Variants in SNTG1 observed in about 807,000 individuals in gnomAD.
SNTG1 encodes syntrophin gamma 1.
A neutral mutation model predicts 74.7 loss-of-function variants in SNTG1; 39 were observed. The observed-to-expected ratio is 0.52, with a 90% CI of 0.40 to 0.68. SNTG1 has a LOEUF of 0.68. Among genes scored for constraint, SNTG1 ranks in the 30% least tolerant of loss-of-function variants. The pLI, the probability that SNTG1 is intolerant of heterozygous loss-of-function variation, is 0.00. For missense variants in SNTG1, 685 were observed against 609.5 expected, an observed-to-expected ratio of 1.12 and a Z score of -1.30; for synonymous variants, 254 against 217.1, an observed-to-expected ratio of 1.17 and a Z score of -1.49.
intron 9 of SNTG1, among the ~76,000 whole-genome samples, chr8:50,526,659 A>G: frequency 9.0e-6 from 1 of 111,066 alleles, no homozygotes; most frequent in Non-Finnish European, 1.8e-5. Flanking sequence ...ATATATATAT[A>G]TATTTTTTTG....
At chr8:50,459,240 C>G (rs1162938839) in intron 8 of SNTG1, among the ~76,000 whole-genome samples, 1 of 152,102 alleles carries the variant, frequency 6.6e-6, no homozygotes, top group Non-Finnish European at 1.5e-5. Flanking sequence ...TTCACATATA[C>G]CAGTATTACA....
Position 50,449,660 on chromosome 8 carries a change from CT to C in SNTG1, c.220-4del. 1.3e-6 allele frequency: 2 copies of C among 1,581,000 alleles called. No homozygotes were observed. Among genetic ancestry groups the C allele is most frequent in the Non-Finnish European group, 1.7e-6 (2 of 1,162,636 alleles). On this transcript the variant is annotated splice_polypyrimidine_tract_variant and splice_region_variant and intron_variant, in intron 5 of 18. Transcript: ENST00000642720. ...TAAAAAGTACAATATATGATTTTCT[CT>C]TTTCAGGGAGGAGCAGAACATAACA...
chr8:50,571,706 AACTTTC>A (rs1411318176), intron 12 of SNTG1, among the ~76,000 whole-genome samples: 1 of 152,232 alleles, frequency 6.6e-6, no homozygotes, highest in African/African-American at 2.4e-5. Context: ...CTAAGGAAAC[AACTTTC>A]ACCTCTAAAT....
At chr8:50,276,410 A>ATATAT (rs2088115053) in intron 2 of SNTG1, among the ~76,000 whole-genome samples, 1 of 138,058 alleles carries the variant, frequency 7.2e-6, no homozygotes, top group African/African-American at 2.9e-5. Flanking sequence ...TATATATATA[A>ATATAT]ATCATATATT....
At chr8:50,062,643 T>G (rs1820575778) in intron 1 of SNTG1, among the ~76,000 whole-genome samples, 1 of 152,224 alleles carries the variant, frequency 6.6e-6, no homozygotes, top group Non-Finnish European at 1.5e-5. Context: ...TGTCTTTGAA[T>G]AGAAATAAGT....
At chr8:50,144,449 A>G (rs1178789967) in intron 1 of SNTG1, among the ~76,000 whole-genome samples, 1 of 152,196 alleles carries the variant, frequency 6.6e-6, no homozygotes, top group African/African-American at 2.4e-5. Flanking sequence ...AGATATTACA[A>G]TGAGGAGGAG....
intron 1 of SNTG1, among the ~76,000 whole-genome samples, chr8:49,957,902 C>T (rs1038858641): frequency 6.6e-6 from 1 of 152,002 alleles, no homozygotes; most frequent in Admixed American, 6.6e-5. Flanking sequence ...GAGTTGAAGT[C>T]CAGCCTGGGC....
At chr8:50,739,051 A>G (rs1237021677) in intron 17 of SNTG1, among the ~76,000 whole-genome samples, 1 of 152,194 alleles carries the variant, frequency 6.6e-6, no homozygotes, top group East Asian at 1.9e-4. Context: ...ACAAAAGCCA[A>G]AATTGACAAA....
intron 4 of SNTG1, among the ~76,000 whole-genome samples, chr8:50,422,946 T>C (rs1421168404): frequency 2.0e-5 from 3 of 152,132 alleles, no homozygotes; most frequent in African/African-American, 4.8e-5. Context: ...CAAAATTAGC[T>C]CTGGCCTAAG....
chr8:50,660,399 GAGAA>G lies in SNTG1; in HGVS notation c.1038+1746_1038+1749del, dbSNP rs796256744. ...GAAGGAAGGAAGGAAGGAAGAAAAA[GAGAA>G]AGAAAGAAAAGAAAGAAAGAAAGAA... On this transcript the variant is annotated intron_variant, in intron 15 of 18. Coordinates refer to ENST00000642720, the MANE Select transcript of SNTG1 (RefSeq NM_018967.5). Among the ~76,000 whole-genome samples the G allele has an allele frequency of 1.1e-3, 32 of 28,136 alleles. 1 individual carries two copies. Among genetic ancestry groups the G allele is most frequent in the African/African-American group, 4.4e-3 (31 of 6,970 alleles). 18.5% of individuals were successfully genotyped at this position (28,136 alleles called of 152,430 possible).
At chr8:50,738,222 A>G (rs994227811) in intron 17 of SNTG1, among the ~76,000 whole-genome samples, 12 of 152,210 alleles carry the variant, frequency 7.9e-5, no homozygotes, top group African/African-American at 2.9e-4. Flanking sequence ...CTCAAGATAC[A>G]AAATCAATGT....
chr8:50,202,795 GTT>G (rs60509732), intron 2 of SNTG1, among the ~76,000 whole-genome samples: 23 of 133,270 alleles, frequency 1.7e-4, no homozygotes, highest in African/African-American at 5.5e-4. Context: ...TCTTTGTTTT[GTT>G]TTTTTTTTTT....
At chr8:50,662,786 T>C (rs967557657) in intron 15 of SNTG1, among the ~76,000 whole-genome samples, 3 of 151,344 alleles carry the variant, frequency 2.0e-5, no homozygotes, top group African/African-American at 4.9e-5. Context: ...TTGGGCACTA[T>C]GAACTTCAGT....
At chr8:50,282,163 C>T (rs1165659391) in intron 2 of SNTG1, among the ~76,000 whole-genome samples, 1 of 152,114 alleles carries the variant, frequency 6.6e-6, no homozygotes, top group Non-Finnish European at 1.5e-5. Context: ...TCCCCTCTGG[C>T]CAGAGAAATG....
chr8:50,436,802 A>G (rs930596749), intron 4 of SNTG1, among the ~76,000 whole-genome samples: 5 of 152,196 alleles, frequency 3.3e-5, no homozygotes, highest in Non-Finnish European at 7.4e-5. Context: ...AGTTTATTTT[A>G]AATTATTAAT....
At chr8:50,781,496 A>G (rs1437979658) in intron 18 of SNTG1, among the ~76,000 whole-genome samples, 1 of 151,932 alleles carries the variant, frequency 6.6e-6, no homozygotes, top group South Asian at 2.1e-4. Context: ...GTTGGTTTAA[A>G]GTCTGTTTCA....
At chr8:50,451,973 C>T (rs1027737641) in intron 8 of SNTG1, among the ~76,000 whole-genome samples, 1 of 152,156 alleles carries the variant, frequency 6.6e-6, no homozygotes, top group African/African-American at 2.4e-5. Context: ...TTTTGCTTGT[C>T]ACAGCTCTAG....
At chr8:50,786,169 C>T (rs1267264527) in intron 18 of SNTG1, among the ~76,000 whole-genome samples, 2 of 151,940 alleles carry the variant, frequency 1.3e-5, no homozygotes, top group African/African-American at 4.8e-5. Context: ...TAAATGACTT[C>T]TGCAAGGTTG....
At chr8:50,667,351 G>A (rs1250029954) in intron 15 of SNTG1, among the ~76,000 whole-genome samples, 1 of 151,962 alleles carries the variant, frequency 6.6e-6, no homozygotes, top group African/African-American at 2.4e-5. Flanking sequence ...GTTTTCTGTT[G>A]CTATAACTGA....
Sources: gnomAD v4.1 joint callset for allele counts (sites outside exome capture counted in the v4.1 genomes callset) on GRCh38, gnomAD v4.1.1 for gene constraint, MANE v1.5 for transcripts, NCBI Gene and HGNC (gene_info 2026-07-23, HGNC 2026-07-21) for gene names.